RPTOR: variants seen among roughly 807,000 people sequenced by gnomAD.
RPTOR encodes regulatory associated protein of MTOR complex 1, also known as regulatory-associated protein of mTOR.
A neutral mutation model predicts 169.9 loss-of-function variants in RPTOR; 21 were observed. That is an observed-to-expected ratio of 0.12 (90% CI 0.09 to 0.18). The LOEUF is 0.18. Among genes scored for constraint, RPTOR ranks in the 10% least tolerant of loss-of-function variants. The pLI, the probability that RPTOR is intolerant of heterozygous loss-of-function variation, is 1.00. For synonymous variants in RPTOR, 732 were observed against 753.2 expected (o/e 0.97, Z 0.46); for missense variants, 1,133 against 1,855.9 (o/e 0.61, Z 7.16).
intron 25 of RPTOR, 27 bp downstream of exon 25, chr17:80,940,628 G>A (rs781644176): frequency 2.5e-6 from 4 of 1,575,812 alleles, no homozygotes; most frequent in Non-Finnish European, 3.5e-6. Context: ...AGCCAGCCAG[G>A]GGCTCATTCC....
rs78268898 is a variant in RPTOR, at chr17:80,580,613, C to T, written c.162+34822C>T. Among the ~76,000 whole-genome samples, 1,304 of 152,042 alleles carry T rather than the reference C, an allele frequency of 8.6e-3. 23 individuals are homozygous for T. The highest frequency in any genetic ancestry group is 0.029 in the African/African-American group (1,206 of 41,458). On this transcript the variant is annotated intron_variant, in intron 1 of 33. Transcript: ENST00000306801. ...GTAAGTAAAACAGTGAAGAGTGACC[C>T]GTGTGGGGTTTTTTGTGTTTTGTTT...
intron 17 of RPTOR, among the ~76,000 whole-genome samples, chr17:80,890,124 G>T (rs2068301830): frequency 6.6e-6 from 1 of 152,072 alleles, no homozygotes; most frequent in Non-Finnish European, 1.5e-5. Flanking sequence ...AGCAGGATGT[G>T]TGTTCGGGAG....
At chr17:80,802,877 C>T (rs1011597665) in intron 7 of RPTOR, 1 of 152,354 alleles carries the variant, frequency 6.6e-6, no homozygotes, top group African/African-American at 2.4e-5. Context: ...GGTCGCATAA[C>T]CGGGATGAGG....
intron 17 of RPTOR, among the ~76,000 whole-genome samples, chr17:80,887,692 C>T (rs1000691240): frequency 5.3e-5 from 8 of 152,128 alleles, no homozygotes; most frequent in Non-Finnish European, 1.0e-4. Flanking sequence ...TGCTGCTTTT[C>T]CATAAAAGCA....
At chr17:80,608,852 G>C (rs893121076) in intron 1 of RPTOR, among the ~76,000 whole-genome samples, 1 of 152,218 alleles carries the variant, frequency 6.6e-6, no homozygotes, top group Non-Finnish European at 1.5e-5. Context: ...TTCTGCGCGT[G>C]GTTCAGATGG....
At chr17:80,819,232 C>T (rs948017109) in intron 7 of RPTOR, among the ~76,000 whole-genome samples, 1 of 152,178 alleles carries the variant, frequency 6.6e-6, no homozygotes, top group African/African-American at 2.4e-5. Context: ...TTCCCTGTTA[C>T]TCAGGTGGGC....
chr17:80,837,817 A>T (rs967759997), intron 9 of RPTOR, 105 bp from the exon 10 acceptor site: 65 of 1,073,084 alleles, frequency 6.1e-5, no homozygotes, highest in Admixed American at 2.6e-4. Context: ...CTCCGCCCAG[A>T]CCCTTGCTGC....
At position 80,745,569 on chromosome 17, in the gene RPTOR, A is replaced by G. The variant is rs143483416; in HGVS notation, c.655-8441A>G. Among the ~76,000 whole-genome samples the G allele has an allele frequency of 6.6e-3, 1,011 of 152,362 alleles. 6 individuals carry two copies. Among genetic ancestry groups the G allele is most frequent in the Middle Eastern group, 0.014 (4 of 294 alleles). Reference sequence around the variant, plus strand: ...TTTTTGGTACACTGTGTGTCACATGATAGATGCCACATTAATATCTTTGAC... The same window carrying G: ...TTTTTGGTACACTGTGTGTCACATGGTAGATGCCACATTAATATCTTTGAC... On this transcript the variant is annotated intron_variant, in intron 5 of 33. Coordinates refer to ENST00000306801, the MANE Select transcript of RPTOR (RefSeq NM_020761.3).
chr17:80,774,538 G>C (rs766460863), intron 6 of RPTOR, among the ~76,000 whole-genome samples: 1 of 152,184 alleles, frequency 6.6e-6, no homozygotes, highest in Non-Finnish European at 1.5e-5. Flanking sequence ...ACAGGAGCCC[G>C]GATCTTCTGA....
chr17:80,926,440 C>T (rs566799528), intron 24 of RPTOR, among the ~76,000 whole-genome samples: 4 of 152,312 alleles, frequency 2.6e-5, no homozygotes, highest in South Asian at 4.1e-4. Context: ...CTTAAATAGC[C>T]GTTCCCTTTG....
chr17:80,717,453 G>GT (rs200456235), intron 4 of RPTOR, among the ~76,000 whole-genome samples: 4 of 152,000 alleles, frequency 2.6e-5, no homozygotes, highest in African/African-American at 4.8e-5. Flanking sequence ...GTCTTTCTTG[G>GT]TTGTATTTTC....
chr17:80,920,304 T>C (rs528158062), intron 21 of RPTOR, among the ~76,000 whole-genome samples: 4 of 152,302 alleles, frequency 2.6e-5, no homozygotes, highest in African/African-American at 7.2e-5. Flanking sequence ...AAATAAGAAG[T>C]GCACAGCTAA....
chr17:80,753,165 G>A (rs919534758), intron 5 of RPTOR, among the ~76,000 whole-genome samples: 32 of 152,148 alleles, frequency 2.1e-4, no homozygotes, highest in Non-Finnish European at 4.1e-4. Flanking sequence ...CCCCCACTCG[G>A]GGATGAGTGC....
rs541440094 is a variant in RPTOR at position 80,689,155 on chromosome 17, C to G, written c.349-18686C>G. 3.9e-5 allele frequency among the ~76,000 whole-genome samples: 6 copies of G among 152,354 alleles called. No individual in the cohort carries two copies. In the East Asian group the frequency reaches 9.6e-4, roughly 24 times the overall value. On this transcript the variant is annotated intron_variant, in intron 3 of 33. Transcript: ENST00000306801. ...TGTCTGTGCAGCATTCTTAAAGTGA[C>G]AGGACTACCTTATGAAGTCAGTAAA...
intron 3 of RPTOR, among the ~76,000 whole-genome samples, chr17:80,694,591 C>A (rs903601760): frequency 2.0e-5 from 3 of 152,244 alleles, no homozygotes; most frequent in African/African-American, 7.2e-5. Context: ...GTTCCCAGTT[C>A]TCTGCCTGCC....
At position 80,891,014 on chromosome 17, in the gene RPTOR, C is replaced by T. The variant is rs564708264; in HGVS notation, c.1984-706C>T. 1.1e-3 allele frequency among the ~76,000 whole-genome samples: 173 copies of T among 152,092 alleles called. 2 individuals are homozygous for T. Among genetic ancestry groups the T allele is most frequent in the Middle Eastern group, 6.8e-3 (2 of 294 alleles). The stretch of plus-strand genomic sequence containing the variant: ...AAAAAAAAAAGGCAGAAAAAGTTGT[C>T]GTAGGGAAAAAAACGTTCTTTCCGC... On this transcript the variant is annotated intron_variant, in intron 17 of 33. Coordinates refer to ENST00000306801, the MANE Select transcript of RPTOR (RefSeq NM_020761.3).
intron 21 of RPTOR, among the ~76,000 whole-genome samples, chr17:80,913,663 G>A (rs2068638010): frequency 6.6e-6 from 1 of 151,924 alleles, no homozygotes; most frequent in African/African-American, 2.4e-5. Context: ...ATGTTGCCCA[G>A]GCTGGTCTCA....
intron 6 of RPTOR, among the ~76,000 whole-genome samples, chr17:80,786,845 A>G (rs62069379): frequency 0.052 from 7,978 of 152,322 alleles, 264 homozygotes; most frequent in Non-Finnish European, 0.079. Flanking sequence ...TAACATCATA[A>G]AAATCTTGAA....
chr17:80,910,480 G>A (rs2068598496), intron 21 of RPTOR, among the ~76,000 whole-genome samples: 2 of 152,168 alleles, frequency 1.3e-5, no homozygotes, highest in Admixed American at 6.5e-5. Flanking sequence ...CAGGAAGAAT[G>A]CAGGGAAAGG....
Sources: allele counts gnomAD v4.1 joint callset (sites outside exome capture counted in the v4.1 genomes callset), GRCh38; gene constraint gnomAD v4.1.1; transcripts MANE v1.5; gene names NCBI Gene and HGNC (gene_info 2026-07-23, HGNC 2026-07-21).